Variants in BICC1 observed in about 807,000 individuals in gnomAD.
BICC1 encodes the protein protein bicaudal C homolog 1.
A neutral mutation model predicts 111.0 loss-of-function variants in BICC1; 43 were observed. That is an observed-to-expected ratio of 0.39 (90% CI 0.30 to 0.50). The LOEUF (loss-of-function observed/expected upper bound fraction) is 0.50. Among genes scored for constraint, BICC1 ranks in the 20% least tolerant of loss-of-function variants. The pLI is 0.88. For synonymous variants in BICC1, 467 were observed against 434.4 expected (o/e 1.07, Z -0.93); for missense variants, 1,091 against 1,203.2 (o/e 0.91, Z 1.38).
intron 3 of BICC1, among the ~76,000 whole-genome samples, chr10:58,707,245 C>T (rs905272182): frequency 3.3e-5 from 5 of 151,976 alleles, no homozygotes; most frequent in Admixed American, 2.6e-4. Flanking sequence ...GTAGACAGTT[C>T]GTTTTGTTTT....
chr10:58,742,758 T>C (rs546761863), intron 3 of BICC1, among the ~76,000 whole-genome samples: 111 of 152,264 alleles, frequency 7.3e-4, no homozygotes, highest in Middle Eastern at 3.4e-3. Context: ...GGTCTAACTG[T>C]GTGTCAACAG....
intron 1 of BICC1, among the ~76,000 whole-genome samples, chr10:58,576,241 G>A (rs1225527561): frequency 6.6e-6 from 1 of 152,088 alleles, no homozygotes; most frequent in Non-Finnish European, 1.5e-5. Flanking sequence ...AATTCCAGTG[G>A]AATGATACTT....
chr10:58,793,485 G>C lies in BICC1; in HGVS notation c.1049G>C (p.Gly350Ala). The C allele has an allele frequency of 6.2e-7, 1 of 1,609,652 alleles. No homozygotes were observed. Among genetic ancestry groups the C allele is most frequent in the Non-Finnish European group, 8.5e-7 (1 of 1,177,418 alleles). The change falls in exon 9 of 21, where the codon GGT becomes GCT. Residue 350 changes from glycine (G) to alanine (A), a missense_variant and splice_region_variant. This residue lies in a region of BICC1 where 843 missense variants were observed against 900.8 expected (regional missense o/e 0.94). Coordinates refer to ENST00000373886, the MANE Select transcript of BICC1 (RefSeq NM_001080512.3). ...ACATTCTATTGTGACATTTTCTAGG[G>C]TTGTCTTCCTCTTGTGTTGATGTTT... ...SVCLARQYLM[G>A]CLPLVLMFDM...
At chr10:58,752,465 A>T (rs1842016776) in intron 3 of BICC1, among the ~76,000 whole-genome samples, 2 of 152,326 alleles carry the variant, frequency 1.3e-5, no homozygotes, top group Admixed American at 1.3e-4. Flanking sequence ...GAATGCCATC[A>T]GAACCTGGGT....
chr10:58,641,219 C>T (rs1038585513), intron 2 of BICC1, among the ~76,000 whole-genome samples: 2 of 152,110 alleles, frequency 1.3e-5, no homozygotes, highest in African/African-American at 4.8e-5. Flanking sequence ...ACAGTGCAAT[C>T]CCCAGGAAAT....
chr10:58,639,669 G>T (rs1231010775), intron 2 of BICC1, among the ~76,000 whole-genome samples: 2 of 135,560 alleles, frequency 1.5e-5, no homozygotes, highest in Non-Finnish European at 3.1e-5. Context: ...CACCTGCCTT[G>T]ACCTCCCAAA....
At chr10:58,749,484 C>A (rs766973535) in intron 3 of BICC1, among the ~76,000 whole-genome samples, 1 of 152,110 alleles carries the variant, frequency 6.6e-6, no homozygotes, top group Non-Finnish European at 1.5e-5. Context: ...AGAAACAAGA[C>A]AAACAGTATA....
At position 58,762,861 on chromosome 10, in the gene BICC1, C is replaced by A. The variant is rs116229903; in HGVS notation, c.308-22140C>A. Among the ~76,000 whole-genome samples, 847 of 151,482 alleles carry A rather than the reference C, an allele frequency of 5.6e-3. 11 individuals are homozygous for A. The highest frequency in any genetic ancestry group is 0.02 in the African/African-American group (811 of 41,498). On this transcript the variant is annotated intron_variant, in intron 3 of 20. Transcript: ENST00000373886. The stretch of plus-strand genomic sequence containing the variant: ...CCAGATCAACCTTACAAGTACATCA[C>A]AGGATTTAAGCAATTTCATCGTAAC...
intron 2 of BICC1, among the ~76,000 whole-genome samples, chr10:58,663,619 A>G (rs1454659487): frequency 2.6e-5 from 4 of 152,176 alleles, no homozygotes. Context: ...TCATAGGAGC[A>G]TGAACCCTAT....
chr10:58,769,839 C>A (rs1041383211), intron 3 of BICC1, among the ~76,000 whole-genome samples: 2 of 151,956 alleles, frequency 1.3e-5, no homozygotes, highest in African/African-American at 4.8e-5. Context: ...ATATCCAAGA[C>A]TTTGGGCCTA....
rs545835047 is a variant in BICC1, at chr10:58,807,731, T to TC, written c.2376+575dup. Among the ~76,000 whole-genome samples, 42 of 152,092 alleles carry TC rather than the reference T, an allele frequency of 2.8e-4. 1 individual carries two copies. The East Asian group carries it at 6.4e-3, about 23-fold the overall frequency. On this transcript the variant is annotated intron_variant, in intron 17 of 20. Transcript: ENST00000373886. Reference sequence around the variant, plus strand: ...CTACCATATGGAAGGGATGGAGAGTTCCATACTCCACAGCCAGGCTACACG... The same window carrying TC: ...CTACCATATGGAAGGGATGGAGAGTTCCCATACTCCACAGCCAGGCTACACG...
chr10:58,761,745 C>T (rs544617886), intron 3 of BICC1, among the ~76,000 whole-genome samples: 2 of 152,186 alleles, frequency 1.3e-5, no homozygotes, highest in Non-Finnish European at 2.9e-5. Context: ...AAAGTAAGGA[C>T]TGGCATGGAA....
intron 2 of BICC1, among the ~76,000 whole-genome samples, chr10:58,682,423 G>C (rs1328039680): frequency 6.6e-6 from 1 of 152,158 alleles, no homozygotes; most frequent in African/African-American, 2.4e-5. Flanking sequence ...TCTAGTTCTA[G>C]ATCCTTGAGG....
chr10:58,587,476 C>T (rs542360929), intron 1 of BICC1, among the ~76,000 whole-genome samples: 28 of 152,192 alleles, frequency 1.8e-4, no homozygotes, highest in Admixed American at 9.2e-4. Flanking sequence ...TAGGACTTTT[C>T]GTAAAATCTT....
At chr10:58,698,177 A>G (rs1840121728) in intron 2 of BICC1, among the ~76,000 whole-genome samples, 1 of 152,202 alleles carries the variant, frequency 6.6e-6, no homozygotes, top group Non-Finnish European at 1.5e-5. Context: ...AGTTAAGCAC[A>G]GGTACTTGGT....
intron 3 of BICC1, among the ~76,000 whole-genome samples, chr10:58,747,139 A>C (rs1311798472): frequency 1.3e-5 from 2 of 152,166 alleles, no homozygotes; most frequent in African/African-American, 2.4e-5. Context: ...TAAAAAGAGA[A>C]ATATAAAGTG....
intron 1 of BICC1, among the ~76,000 whole-genome samples, chr10:58,531,645 G>A (rs895396389): frequency 6.6e-6 from 1 of 151,802 alleles, no homozygotes; most frequent in Admixed American, 6.6e-5. Context: ...TTTTAAATTA[G>A]TGCACTACAA....
At chr10:58,539,547 T>G (rs1274512598) in intron 1 of BICC1, among the ~76,000 whole-genome samples, 1 of 151,600 alleles carries the variant, frequency 6.6e-6, no homozygotes, top group Non-Finnish European at 1.5e-5. Flanking sequence ...AAAAAAAAAT[T>G]TTTGAAGTAC....
intron 2 of BICC1, among the ~76,000 whole-genome samples, chr10:58,621,756 G>A (rs570058107): frequency 1.3e-5 from 2 of 151,984 alleles, no homozygotes; most frequent in South Asian, 2.1e-4. Context: ...AAGTTAGCCC[G>A]GTGTGGTCGC....
Sources: gnomAD v4.1 joint callset for allele counts (sites outside exome capture counted in the v4.1 genomes callset) on GRCh38, gnomAD v4.1.1 for gene constraint, gnomAD v4.1.1 regional missense constraint, MANE v1.5 for transcripts, NCBI Gene and HGNC (gene_info 2026-07-23, HGNC 2026-07-21) for gene names.